UNC5D: variants seen among roughly 807,000 people sequenced by gnomAD.
UNC5D encodes the protein netrin receptor UNC5D.
In UNC5D, 39 loss-of-function variants were observed where a neutral mutation model predicts 105.4. The ratio of observed to expected loss-of-function variants is 0.37; its 90% CI spans 0.29 to 0.48. UNC5D has a LOEUF of 0.48. Among genes scored for constraint, UNC5D ranks in the 20% least tolerant of loss-of-function variants. The pLI is 0.98. For synonymous variants in UNC5D, 452 were observed against 450.4 expected (o/e 1.00, Z -0.04); for missense variants, 991 against 1,202.4 (o/e 0.82, Z 2.60).
chr8:35,403,647 G>A (rs534067583), intron 1 of UNC5D, among the ~76,000 whole-genome samples: 11 of 152,276 alleles, frequency 7.2e-5, no homozygotes, highest in Middle Eastern at 3.4e-3. Context: ...GCATCATGTT[G>A]GCACTGAACA....
chr8:35,314,940 G>A (rs1809176525), intron 1 of UNC5D, among the ~76,000 whole-genome samples: 1 of 152,136 alleles, frequency 6.6e-6, no homozygotes, highest in African/African-American at 2.4e-5. Flanking sequence ...ATCCACAAAA[G>A]AAGGTATAGT....
At chr8:35,271,293 G>GCA (rs1805273333) in intron 1 of UNC5D, among the ~76,000 whole-genome samples, 9 of 107,262 alleles carry the variant, frequency 8.4e-5, no homozygotes, top group Non-Finnish European at 1.3e-4. Flanking sequence ...GTATGTATAT[G>GCA]TATACACACA....
rs74601168 is a variant in UNC5D at position 35,401,177 on chromosome 8, C to T, written c.104-148115C>T. On this transcript the variant is annotated intron_variant, in intron 1 of 16. Coordinates refer to ENST00000404895, the MANE Select transcript of UNC5D (RefSeq NM_080872.4). ...AGATACTGCTATAAAAAACAAGGGT[C>T]CAGGTGCGGTGGCTCAAAATGAGGG... Among the ~76,000 whole-genome samples the T allele has an allele frequency of 8.7e-3, 1,316 of 152,102 alleles. 14 individuals are homozygous for T. Among genetic ancestry groups the T allele is most frequent in the Middle Eastern group, 0.058 (17 of 294 alleles).
chr8:35,544,424 C>T, intron 1 of UNC5D: 1 of 1,608,714 alleles, frequency 6.2e-7, no homozygotes, highest in South Asian at 1.1e-5. Context: ...AAAAAAAAAG[C>T]TGTAATATGT....
At chr8:35,541,683 C>T (rs1309117772) in intron 1 of UNC5D, among the ~76,000 whole-genome samples, 2 of 149,768 alleles carry the variant, frequency 1.3e-5, no homozygotes, top group Non-Finnish European at 2.9e-5. Flanking sequence ...CCCAATGACA[C>T]TTTGCATATA....
intron 1 of UNC5D, among the ~76,000 whole-genome samples, chr8:35,475,196 C>T (rs926668606): frequency 6.6e-6 from 1 of 152,104 alleles, no homozygotes; most frequent in East Asian, 1.9e-4. Flanking sequence ...GGAGTCCAGA[C>T]TTGGTACTAT....
At chr8:35,768,156 T>C (rs961050452) in intron 15 of UNC5D, among the ~76,000 whole-genome samples, 21 of 152,152 alleles carry the variant, frequency 1.4e-4, no homozygotes, top group African/African-American at 5.1e-4. Flanking sequence ...CTTCTCTCTA[T>C]TCTCATTTGA....
chr8:35,251,348 C>T (rs914832448), intron 1 of UNC5D, among the ~76,000 whole-genome samples: 1 of 152,116 alleles, frequency 6.6e-6, no homozygotes, highest in Non-Finnish European at 1.5e-5. Context: ...GTAAAACCAT[C>T]GGATCTCATG....
chr8:35,343,117 A>C (rs900866340), intron 1 of UNC5D, among the ~76,000 whole-genome samples: 6 of 152,076 alleles, frequency 3.9e-5, no homozygotes, highest in African/African-American at 1.4e-4. Context: ...TGATACTGAC[A>C]CTGCTGGTCT....
At chr8:35,659,575 A>C (rs1312440180) in intron 4 of UNC5D, among the ~76,000 whole-genome samples, 1 of 152,180 alleles carries the variant, frequency 6.6e-6, no homozygotes, top group Non-Finnish European at 1.5e-5. Context: ...TTTAACTTGA[A>C]TCTTTAAGGT....
intron 1 of UNC5D, among the ~76,000 whole-genome samples, chr8:35,323,606 T>C (rs571589505): frequency 5.2e-4 from 79 of 152,290 alleles, no homozygotes; most frequent in African/African-American, 1.8e-3. Context: ...AAAACATATG[T>C]CATTTATAGT....
intron 1 of UNC5D, among the ~76,000 whole-genome samples, chr8:35,324,027 T>C (rs1337177396): frequency 6.6e-6 from 1 of 151,896 alleles, no homozygotes; most frequent in African/African-American, 2.4e-5. Flanking sequence ...CCCAGGAATT[T>C]GAAACCAGCC....
intron 1 of UNC5D, among the ~76,000 whole-genome samples, chr8:35,397,098 G>T (rs1055602085): frequency 6.6e-6 from 1 of 151,610 alleles, no homozygotes; most frequent in African/African-American, 2.4e-5. Flanking sequence ...GTAAAGACAG[G>T]TTTCACCATG....
chr8:35,378,917 C>A (rs1028769778), intron 1 of UNC5D, among the ~76,000 whole-genome samples: 6 of 152,158 alleles, frequency 3.9e-5, no homozygotes, highest in African/African-American at 1.4e-4. Flanking sequence ...CTGCACCTTA[C>A]ACTAAAAAGC....
At chr8:35,545,004 A>G (rs943415579) in intron 1 of UNC5D, among the ~76,000 whole-genome samples, 4 of 152,202 alleles carry the variant, frequency 2.6e-5, no homozygotes, top group Admixed American at 6.5e-5. Context: ...AACTGCAAGA[A>G]GGTCATCAGA....
intron 1 of UNC5D, among the ~76,000 whole-genome samples, chr8:35,298,323 A>G (rs1393942157): frequency 6.6e-6 from 1 of 151,860 alleles, no homozygotes; most frequent in African/African-American, 2.4e-5. Flanking sequence ...TCACCCCTAA[A>G]CTTTGGCTCT....
chr8:35,384,530 T>C (rs555350708), intron 1 of UNC5D, among the ~76,000 whole-genome samples: 115 of 152,328 alleles, frequency 7.5e-4, no homozygotes, highest in Middle Eastern at 6.8e-3. Flanking sequence ...AATGCTTGTT[T>C]ATGCTGTGGA....
At chr8:35,416,658 T>C (rs1020285554) in intron 1 of UNC5D, among the ~76,000 whole-genome samples, 3 of 152,118 alleles carry the variant, frequency 2.0e-5, no homozygotes, top group South Asian at 4.1e-4. Context: ...TCTTTTCTTA[T>C]AGTAAGAGTA....
chr8:35,564,196 G>A (rs1817166522), intron 2 of UNC5D, among the ~76,000 whole-genome samples: 1 of 151,754 alleles, frequency 6.6e-6, no homozygotes, highest in African/African-American at 2.4e-5. Flanking sequence ...CCTACCCTAT[G>A]GTCCATTCTG....
Sources: allele counts gnomAD v4.1 joint callset (sites outside exome capture counted in the v4.1 genomes callset), GRCh38; gene constraint gnomAD v4.1.1; transcripts MANE v1.5; gene names NCBI Gene and HGNC (gene_info 2026-07-23, HGNC 2026-07-21).